SELENOV: variants seen among roughly 807,000 people sequenced by gnomAD.
SELENOV encodes the protein selenoprotein V.
A neutral mutation model predicts 21.6 loss-of-function variants in SELENOV; 25 were observed. That is an observed-to-expected ratio of 1.16 (90% CI 0.84 to 1.62). The LOEUF (loss-of-function observed/expected upper bound fraction) is 1.62. SELENOV is among the 40% of genes most tolerant of loss of function. The pLI, the probability that SELENOV is intolerant of heterozygous loss-of-function variation, is 0.00. For missense variants in SELENOV, 472 were observed against 459.0 expected, an observed-to-expected ratio of 1.03 and a Z score of -0.26; for synonymous variants, 227 against 216.9, an observed-to-expected ratio of 1.05 and a Z score of -0.41.
At chr19:39,519,275 T>C in intron 5 of SELENOV, 105 bp downstream of exon 5, 1 of 790,788 alleles carries the variant, frequency 1.3e-6, no homozygotes. Flanking sequence ...CGGTTCTCAC[T>C]GTTAGAATCA....
In SELENOV at chr19:39,515,734, C is replaced by T. The variant is rs1430909815; in HGVS notation, c.522C>T (p.Ser174=). ...AGGAGGACCCTGAGCCGGCGCCGAG[C>T]CTGAAGCTCATCCCGTCGGTCTCCA... is the stretch of plus-strand genomic sequence containing the variant. Residue 174 remains serine (S), a synonymous_variant, in exon 1 of 6, where the codon AGC becomes AGT. Coordinates refer to ENST00000335426, the Ensembl canonical transcript of SELENOV. The surrounding 1 kb of genome is among the most constrained non-coding windows in gnomAD (Gnocchi z 5.1). The T allele has an allele frequency of 1.3e-6, 2 of 1,549,596 alleles. No homozygotes were observed. The highest frequency in any genetic ancestry group is 8.7e-7 in the Non-Finnish European group (1 of 1,146,590).
In SELENOV at chr19:39,515,920, C is replaced by T; in HGVS notation, c.708C>T (p.Thr236=). The change falls in exon 1 of 6, where the codon ACC becomes ACT. Residue 236 remains threonine, a synonymous_variant. Transcript: ENST00000335426. This position sits in a 1 kb window ranked among gnomAD's most constrained non-coding sequence, Gnocchi z 5.1. ...CTGTCCCCTCGCCCATCCTGGGGAC[C>T]ATCCCGTCGGCCATCTCCTTACAGA... 4.4e-6 allele frequency: 7 copies of T among 1,602,412 alleles called. No homozygotes were observed. The highest frequency in any genetic ancestry group is 6.0e-6 in the Non-Finnish European group (7 of 1,175,086).
At chr19:39,516,181 C>T in intron 1 of SELENOV, 160 bp downstream of exon 1, 1 of 713,844 alleles carries the variant, frequency 1.4e-6, no homozygotes, top group East Asian at 2.7e-5. Context: ...CCGCTCTTGT[C>T]TCTCATTCTC....
chr19:39,515,810 G>A lies in SELENOV; in HGVS notation c.598G>A (p.Ala200Thr), dbSNP rs1476614208. Reference sequence around the variant, plus strand: ...CCTTCCCACGCGCACCCCGCTGGCCGCGAACTCACCCGGGCCCACCCTGGA... The same window carrying A: ...CCTTCCCACGCGCACCCCGCTGGCCACGAACTCACCCGGGCCCACCCTGGA... The change falls in exon 1 of 6, where the codon GCG becomes ACG. Residue 200 changes from alanine (A) to threonine (T), a missense_variant. Transcript: ENST00000335426. This position sits in a 1 kb window ranked among gnomAD's most constrained non-coding sequence, Gnocchi z 5.1. The A allele has an allele frequency of 6.5e-7, 1 of 1,549,926 alleles. No homozygotes were observed. The highest frequency in any genetic ancestry group is 8.7e-7 in the Non-Finnish European group (1 of 1,146,544).
At chr19:39,517,249 T>C (rs2079701773) in intron 1 of SELENOV, among the ~76,000 whole-genome samples, 1 of 152,244 alleles carries the variant, frequency 6.6e-6, no homozygotes, top group South Asian at 2.1e-4. Flanking sequence ...CTCCATCTTA[T>C]CTTTTCTGTC....
rs936467413 is a variant in SELENOV, at chr19:39,516,252, T to C, written c.809+231T>C. Reference sequence around the variant, plus strand: ...TTTGGATCTGAGCTTCATTCATTCGTTTCTGAGTGCCCCGCGGGCCAAGTG... The same window carrying C: ...TTTGGATCTGAGCTTCATTCATTCGCTTCTGAGTGCCCCGCGGGCCAAGTG... On this transcript the variant is annotated intron_variant, in intron 1 of 5. Coordinates refer to ENST00000335426, the Ensembl canonical transcript of SELENOV. The C allele has an allele frequency of 1.0e-5, 7 of 682,718 alleles. No individual in the cohort carries two copies. The Admixed American group carries it at 1.2e-4, about 12-fold the overall frequency. The allele number at this position is 682,718 out of a possible 1,614,324, so 42.3% of individuals were successfully genotyped here.
chr19:39,515,482 G>T lies in SELENOV; in HGVS notation c.270G>T (p.Pro90=), dbSNP rs1214798767. 11 of 1,551,170 alleles carry T rather than the reference G, an allele frequency of 7.1e-6. No homozygotes were observed. Among genetic ancestry groups the T allele is most frequent in the Non-Finnish European group, 9.6e-6 (11 of 1,146,904 alleles). The stretch of plus-strand genomic sequence containing the variant: ...CCCGTCTGGTTCCGCCTCCTGCTCC[G>T]GCCTGGATCCCTACTCCGGTGCCGA... Residue 90 remains proline (P), a synonymous_variant, in exon 1 of 6, where the codon CCG becomes CCT. Coordinates refer to ENST00000335426, the Ensembl canonical transcript of SELENOV. This position sits in a 1 kb window ranked among gnomAD's most constrained non-coding sequence, Gnocchi z 5.1.
At chr19:39,519,285 A>G (rs2079716677) in intron 5 of SELENOV, 115 bp downstream of exon 5, 8 of 731,110 alleles carry the variant, frequency 1.1e-5, no homozygotes, top group East Asian at 2.7e-5. Context: ...TGTTAGAATC[A>G]TGACAAGTCA....
Position 39,515,554 on chromosome 19 carries a change from G to C in SELENOV, c.342G>C (p.Arg114=). Reference sequence around the variant, plus strand: ...CAACTCCGGTCCCGACTCCGGCTCGGACCCTGACTCCTCCAGTCCGGGTCC... The same window carrying C: ...CAACTCCGGTCCCGACTCCGGCTCGCACCCTGACTCCTCCAGTCCGGGTCC... The change falls in exon 1 of 6, where the codon CGG becomes CGC. Residue 114 remains arginine, a synonymous_variant. Transcript: ENST00000335426. The surrounding 1 kb of genome is among the most constrained non-coding windows in gnomAD (Gnocchi z 5.1). The C allele has an allele frequency of 6.5e-7, 1 of 1,549,970 alleles. No individual in the cohort carries two copies. The highest frequency in any genetic ancestry group is 1.2e-5 in the South Asian group (1 of 84,036).
In SELENOV at chr19:39,518,799, T is replaced by G; in HGVS notation, c.888+6T>G. ...TTCCGAATCACCTACTCTTTGTAAG[T>G]GTGTGGGGGTCCTGGGGGAGAGGGG... On this transcript the variant is annotated splice_donor_region_variant and intron_variant, in intron 3 of 5. Transcript: ENST00000335426. 1 of 1,613,264 alleles carries G rather than the reference T, an allele frequency of 6.2e-7. No individual in the cohort carries two copies. Among genetic ancestry groups the G allele is most frequent in the Non-Finnish European group, 8.5e-7 (1 of 1,179,608 alleles).
chr19:39,515,325 G>GGACTCGGACCCCCATCCGGACCCT lies in SELENOV; in HGVS notation c.119_142dup (p.Arg40_Thr47dup). 1 of 1,551,044 alleles carries GGACTCGGACCCCCATCCGGACCCT rather than the reference G, an allele frequency of 6.4e-7. No individual in the cohort carries two copies. Among genetic ancestry groups the GGACTCGGACCCCCATCCGGACCCT allele is most frequent in the Non-Finnish European group, 8.7e-7 (1 of 1,146,794 alleles). ...CCACTCCGGACCCCGACTCCGGTCCGGACTCGGACCCCCATCCGGACCCTG... is the reference window on the plus strand; with the variant it reads ...CCACTCCGGACCCCGACTCCGGTCCGGACTCGGACCCCCATCCGGACCCTGACTCGGACCCCCATCCGGACCCTG... On this transcript the variant is annotated inframe_insertion, in exon 1 of 6. Transcript: ENST00000335426. The surrounding 1 kb of genome is among the most constrained non-coding windows in gnomAD (Gnocchi z 5.1).
intron 1 of SELENOV, among the ~76,000 whole-genome samples, chr19:39,517,209 G>A (rs1194288083): frequency 2.0e-5 from 3 of 151,886 alleles, no homozygotes; most frequent in Admixed American, 1.3e-4. Context: ...TCCCTATCTC[G>A]GTTCCCTCAC....
chr19:39,517,183 T>C (rs535070638), intron 1 of SELENOV, among the ~76,000 whole-genome samples: 1 of 152,176 alleles, frequency 6.6e-6, no homozygotes, highest in South Asian at 2.1e-4. Flanking sequence ...CCCAGAGTGT[T>C]GTGTGTTTCT....
rs187158875 is a variant in SELENOV, at chr19:39,518,254, G to C, written c.810-354G>C. 9.1e-3 allele frequency among the ~76,000 whole-genome samples: 1,336 copies of C among 147,566 alleles called. 10 individuals carry two copies. Among genetic ancestry groups the C allele is most frequent in the Middle Eastern group, 0.022 (6 of 278 alleles). Reference sequence around the variant, plus strand: ...CCATTGCACTCCAGCCTGGGCAACAGAGCGAGACTCCGTCTCAAAAAAACA... The same window carrying C: ...CCATTGCACTCCAGCCTGGGCAACACAGCGAGACTCCGTCTCAAAAAAACA... On this transcript the variant is annotated intron_variant, in intron 1 of 5. Transcript: ENST00000335426.
At chr19:39,518,416 T>C (rs2079710739) in intron 1 of SELENOV, 192 bp from the exon 2 acceptor site, 1 of 629,956 alleles carries the variant, frequency 1.6e-6, no homozygotes, top group Admixed American at 2.5e-5. Flanking sequence ...AGGCAGATCC[T>C]GTGGTGGCTT....
At chr19:39,519,833 C>T (rs1320233319) in intron 5 of SELENOV, among the ~76,000 whole-genome samples, 7 of 151,804 alleles carry the variant, frequency 4.6e-5, no homozygotes, top group South Asian at 2.1e-4. Context: ...GGCGTGGTGG[C>T]GGGTGCCTGT....
chr19:39,518,206 G>A (rs1277345229), intron 1 of SELENOV, among the ~76,000 whole-genome samples: 2 of 151,172 alleles, frequency 1.3e-5, no homozygotes, highest in Non-Finnish European at 2.9e-5. Flanking sequence ...GGGAGGCGGA[G>A]CTTGCAGTGA....
Position 39,515,503 on chromosome 19 carries a change from G to A in SELENOV, c.291G>A (p.Val97=). The change falls in exon 1 of 6, where the codon GTG becomes GTA. Residue 97 remains valine, a synonymous_variant. Transcript: ENST00000335426. This position sits in a 1 kb window ranked among gnomAD's most constrained non-coding sequence, Gnocchi z 5.1. The stretch of plus-strand genomic sequence containing the variant: ...CTCCGGCCTGGATCCCTACTCCGGT[G>A]CCGACTCCCGTTCCCGTCCGGAACC... 2 of 1,550,822 alleles carry A rather than the reference G, an allele frequency of 1.3e-6. No individual in the cohort carries two copies. Among genetic ancestry groups the A allele is most frequent in the Admixed American group, 2.0e-5 (1 of 50,968 alleles).
At chr19:39,519,115 G>A in exon 5 of SELENOV, 1 of 1,613,840 alleles carries the variant, frequency 6.2e-7, no homozygotes, top group Non-Finnish European at 8.5e-7. Context: ...AGAAAATTGT[G>A]AGCGTTATCG....
Sources: allele counts gnomAD v4.1 joint callset (sites outside exome capture counted in the v4.1 genomes callset), GRCh38; gene constraint gnomAD v4.1.1; non-coding constraint Gnocchi (gnomAD v3.1); transcripts MANE v1.5; gene names NCBI Gene and HGNC (gene_info 2026-07-23, HGNC 2026-07-21).